Variants in ARMC9 observed in about 807,000 individuals in gnomAD.
ARMC9 encodes the protein armadillo repeat containing 9.
A neutral mutation model predicts 107.0 loss-of-function variants in ARMC9; 94 were observed. The ratio of observed to expected loss-of-function variants is 0.88; its 90% CI spans 0.74 to 1.04. The LOEUF (loss-of-function observed/expected upper bound fraction) is 1.04. ARMC9 is among the 50% of genes least tolerant of loss of function. The probability of loss-of-function intolerance (pLI) is 0.00; values close to 1 mark genes in which losing one functional copy is unlikely to be tolerated. For synonymous variants in ARMC9, 380 were observed against 396.9 expected, an observed-to-expected ratio of 0.96 and a Z score of 0.51; for missense variants, 942 against 1,030.1, an observed-to-expected ratio of 0.91 and a Z score of 1.17.
chr2:231,359,654 A>G (rs1342227105), intron 22 of ARMC9, among the ~76,000 whole-genome samples: 2 of 152,106 alleles, frequency 1.3e-5, no homozygotes, highest in Non-Finnish European at 1.5e-5. Context: ...GTAGCCCAGC[A>G]ATTCGGTGTG....
intron 11 of ARMC9, among the ~76,000 whole-genome samples, 189 bp downstream of exon 11, chr2:231,259,291 A>G (rs932877467): frequency 6.6e-6 from 1 of 152,152 alleles, no homozygotes; most frequent in Non-Finnish European, 1.5e-5. Context: ...AAACTCCTAT[A>G]TTATGGCAAT....
chr2:231,293,251 A>G (rs1251419376), intron 18 of ARMC9, among the ~76,000 whole-genome samples: 3 of 152,192 alleles, frequency 2.0e-5, no homozygotes, highest in Admixed American at 1.3e-4. Context: ...GGCATATTGA[A>G]AAAAATAAAA....
intron 9 of ARMC9, chr2:231,256,055 A>G: frequency 4.6e-6 from 7 of 1,516,680 alleles, no homozygotes; most frequent in Non-Finnish European, 6.2e-6. Context: ...AAACAAAAAC[A>G]AAAAAACCGC....
chr2:231,241,984 A>G (rs1201353961), intron 9 of ARMC9, among the ~76,000 whole-genome samples: 3 of 152,140 alleles, frequency 2.0e-5, no homozygotes, highest in Non-Finnish European at 4.4e-5. Flanking sequence ...CCAAAACAAC[A>G]TATGTGCTGC....
chr2:231,215,124 A>C, intron 4 of ARMC9, 123 bp downstream of exon 4: 1 of 1,092,194 alleles, frequency 9.2e-7, no homozygotes, highest in African/African-American at 1.6e-5. Flanking sequence ...TACGAGGTAC[A>C]GGCATCCTCT....
chr2:231,199,626 G>A (rs2030439903), intron 1 of ARMC9, among the ~76,000 whole-genome samples: 1 of 152,150 alleles, frequency 6.6e-6, no homozygotes, highest in Admixed American at 6.5e-5. Flanking sequence ...ACATTGCCTG[G>A]CATACCATAT....
chr2:231,246,911 G>C (rs1364772601), intron 9 of ARMC9, among the ~76,000 whole-genome samples: 1 of 151,522 alleles, frequency 6.6e-6, no homozygotes, highest in Non-Finnish European at 1.5e-5. Context: ...TCCCACCTCA[G>C]TCTCCCAAGC....
intron 19 of ARMC9, among the ~76,000 whole-genome samples, chr2:231,313,755 C>CT (rs1436596059): frequency 6.6e-6 from 1 of 151,212 alleles, no homozygotes; most frequent in African/African-American, 2.4e-5. Context: ...TTTTCATTTT[C>CT]TTTTTTTTGT....
chr2:231,369,022 C>T (rs1354547965), intron 23 of ARMC9, among the ~76,000 whole-genome samples: 1 of 152,246 alleles, frequency 6.6e-6, no homozygotes, highest in African/African-American at 2.4e-5. Context: ...CCAAGTCCTA[C>T]TTCCCAGAAC....
intron 1 of ARMC9, among the ~76,000 whole-genome samples, chr2:231,199,771 C>T (rs775199438): frequency 4.6e-5 from 7 of 152,172 alleles, no homozygotes; most frequent in Non-Finnish European, 8.8e-5. Context: ...TCTCGGCTCA[C>T]TGCAACCTCC....
chr2:231,300,333 C>T (rs2041644814), intron 19 of ARMC9, among the ~76,000 whole-genome samples: 1 of 152,146 alleles, frequency 6.6e-6, no homozygotes, highest in Admixed American at 6.5e-5. Context: ...ATTTACTCAA[C>T]AAATATTTGA....
At chr2:231,232,718 T>C (rs1033978860) in intron 7 of ARMC9, among the ~76,000 whole-genome samples, 3 of 151,896 alleles carry the variant, frequency 2.0e-5, no homozygotes, top group Admixed American at 6.6e-5. Flanking sequence ...CCCAAAGTGT[T>C]GGGATTACAG....
At chr2:231,282,922 G>A (rs1039366139) in intron 17 of ARMC9, among the ~76,000 whole-genome samples, 4 of 152,268 alleles carry the variant, frequency 2.6e-5, no homozygotes, top group Admixed American at 1.3e-4. Flanking sequence ...CTGCGTTATG[G>A]TCATTTAGGT....
intron 7 of ARMC9, among the ~76,000 whole-genome samples, chr2:231,232,912 G>A (rs963127422): frequency 1.3e-4 from 19 of 151,156 alleles, no homozygotes; most frequent in African/African-American, 1.7e-4. Flanking sequence ...GTGCAGTGGC[G>A]TGATCTCAGC....
chr2:231,245,537 C>G (rs1488813416), intron 9 of ARMC9, among the ~76,000 whole-genome samples: 1 of 152,218 alleles, frequency 6.6e-6, no homozygotes, highest in African/African-American at 2.4e-5. Context: ...ACCATTTTAT[C>G]TGTAAATGAA....
chr2:231,238,322 G>C (rs2035963404), intron 8 of ARMC9, among the ~76,000 whole-genome samples: 1 of 151,974 alleles, frequency 6.6e-6, no homozygotes, highest in Admixed American at 6.6e-5. Flanking sequence ...AGAAAGAAAG[G>C]TTAAAAATAC....
chr2:231,367,512 G>A (rs564710708), intron 23 of ARMC9, among the ~76,000 whole-genome samples: 3 of 152,262 alleles, frequency 2.0e-5, no homozygotes, highest in Non-Finnish European at 4.4e-5. Flanking sequence ...AAGACCATGC[G>A]ATGGTCCTAG....
At chr2:231,331,000 G>A (rs926577296) in intron 19 of ARMC9, among the ~76,000 whole-genome samples, 6 of 152,266 alleles carry the variant, frequency 3.9e-5, no homozygotes, top group East Asian at 1.9e-4. Context: ...AAAGTAGCCG[G>A]ATGTGGTGGC....
intron 24 of ARMC9, chr2:231,370,548 C>A: frequency 6.0e-6 from 1 of 165,816 alleles, no homozygotes; most frequent in East Asian, 1.8e-4. Flanking sequence ...TGTGTCCCTG[C>A]CTGGCCCAGC....
Sources: gnomAD v4.1 joint callset for allele counts (sites outside exome capture counted in the v4.1 genomes callset) on GRCh38, gnomAD v4.1.1 for gene constraint, MANE v1.5 for transcripts, NCBI Gene and HGNC (gene_info 2026-07-23, HGNC 2026-07-21) for gene names.